MYO9B: variants seen among roughly 807,000 people sequenced by gnomAD.
MYO9B encodes the protein unconventional myosin-IXb.
Under a neutral mutation model 229.5 loss-of-function variants are expected in MYO9B, and 71 were observed. The observed-to-expected ratio is 0.31, with a 90% CI of 0.26 to 0.38. MYO9B has a LOEUF of 0.38. Ranked by LOEUF, MYO9B falls within the 10% of genes least tolerant of loss-of-function variation. MYO9B has a pLI of 1.00. For missense variants in MYO9B, 2,255 were observed against 2,920.5 expected (o/e 0.77, Z 5.25); for synonymous variants, 1,185 against 1,235.8 (o/e 0.96, Z 0.86).
At chr19:17,112,671 C>T (rs1385709708) in intron 2 of MYO9B, among the ~76,000 whole-genome samples, 4 of 152,264 alleles carry the variant, frequency 2.6e-5, no homozygotes, top group Admixed American at 2.0e-4. Context: ...TGGGGTGCTT[C>T]GTTCAAGCAG....
intron 17 of MYO9B, among the ~76,000 whole-genome samples, chr19:17,185,667 C>G (rs540111827): frequency 2.6e-5 from 4 of 152,040 alleles, no homozygotes; most frequent in Admixed American, 6.5e-5. Flanking sequence ...CAGCCTTCCA[C>G]CTGAGGCAAA....
At chr19:17,176,048 TAGAC>T (rs1403878920) in intron 14 of MYO9B, among the ~76,000 whole-genome samples, 2 of 150,886 alleles carry the variant, frequency 1.3e-5, no homozygotes, top group East Asian at 3.9e-4. Context: ...TGTTTGTTTT[TAGAC>T]AGAGTCTTGC....
At chr19:17,146,849 GGGGCTGCTGTGTCAAT>G (rs558938829) in intron 3 of MYO9B, among the ~76,000 whole-genome samples, 16 of 152,312 alleles carry the variant, frequency 1.1e-4, no homozygotes, top group Non-Finnish European at 2.1e-4. Context: ...TCTCATGTGA[GGGGCTGCTGTGTCAAT>G]GGGATTTGTA....
chr19:17,108,258 C>T (rs2057812059), intron 2 of MYO9B, among the ~76,000 whole-genome samples: 1 of 152,224 alleles, frequency 6.6e-6, no homozygotes, highest in Non-Finnish European at 1.5e-5. Context: ...GGGTGGTGCC[C>T]ACGCCGGCTT....
intron 1 of MYO9B, among the ~76,000 whole-genome samples, chr19:17,088,852 G>C (rs1401947552): frequency 6.6e-6 from 1 of 151,918 alleles, no homozygotes. Context: ...CACTATGCCC[G>C]GCTCATTTTT....
chr19:17,102,296 C>T lies in MYO9B; in HGVS notation c.579C>T (p.Pro193=). ...CCATCAACCCCTTTAAGTTCCTGCC[C>T]ATCTACAACCCCAAGTACGTGAAGA... The part of the protein sequence containing the change: ...LVAINPFKFL[P]IYNPKYVKMY... The change falls in exon 2 of 40, where the codon CCC becomes CCT. Residue 193 remains proline, a synonymous_variant. Coordinates refer to ENST00000682292, the MANE Select transcript of MYO9B (RefSeq NM_004145.4). 2 of 1,614,050 alleles carry T rather than the reference C, an allele frequency of 1.2e-6. No homozygotes were observed. The highest frequency in any genetic ancestry group is 1.7e-6 in the Non-Finnish European group (2 of 1,179,894).
At position 17,212,636 on chromosome 19, in the gene MYO9B, C is replaced by G; in HGVS notation, c.*326C>G. 1 of 347,964 alleles carries G rather than the reference C, an allele frequency of 2.9e-6. No individual in the cohort carries two copies. Among genetic ancestry groups the G allele is most frequent in the Non-Finnish European group, 5.2e-6 (1 of 192,702 alleles). The allele number at this position is 347,964 out of a possible 1,614,324, so 21.6% of individuals were successfully genotyped here. On this transcript the variant is annotated 3_prime_UTR_variant, in exon 40 of 40. Transcript: ENST00000682292. The surrounding 1 kb of genome is among the most constrained non-coding windows in gnomAD (Gnocchi z 5.4). ...TGGTTTACGTAACTTTAAACTGTAA[C>G]AGCCTTAATGGAAGACCAAATGGTT...
At chr19:17,109,659 G>A (rs978260267) in intron 2 of MYO9B, among the ~76,000 whole-genome samples, 2 of 152,166 alleles carry the variant, frequency 1.3e-5, no homozygotes, top group African/African-American at 4.8e-5. Flanking sequence ...CTCTGAGGGA[G>A]AATCTGTCCC....
chr19:17,194,686 G>C lies in MYO9B; in HGVS notation c.3259G>C (p.Gly1087Arg). ...TGGAGGGCAGCAGGTAGCTGAGCAG[G>C]GGCCGGAGCCAGCGGAGGATGGCGG... ...AAGGQQVAEQ[G>R]PEPAEDGGHL... The change falls in exon 22 of 40, where the codon GGG (glycine) becomes CGG (arginine). Residue 1087 changes from glycine (G) to arginine (R), a missense_variant. Gly to Arg is a moderately radical substitution (Grantham distance 125). Transcript: ENST00000682292. 1 of 1,612,916 alleles carries C rather than the reference G, an allele frequency of 6.2e-7. No individual in the cohort carries two copies. Among genetic ancestry groups the C allele is most frequent in the South Asian group, 1.1e-5 (1 of 91,080 alleles).
In MYO9B at chr19:17,152,719, T is replaced by C. The variant is rs1173270111; in HGVS notation, c.998+13T>C. On this transcript the variant is annotated intron_variant, in intron 4 of 39. Transcript: ENST00000682292. ...AGAAGGATGAGAGGTAGGAGAATGTTTTCCCAGGAATCTCTGAATGCCACG... is the reference window on the plus strand; with the variant it reads ...AGAAGGATGAGAGGTAGGAGAATGTCTTCCCAGGAATCTCTGAATGCCACG... 3.1e-6 allele frequency: 5 copies of C among 1,607,688 alleles called. No individual in the cohort carries two copies. Among genetic ancestry groups the C allele is most frequent in the East Asian group, 2.2e-5 (1 of 44,866 alleles).
intron 9 of MYO9B, 22 bp downstream of exon 9, chr19:17,162,488 C>T (rs2072614533): frequency 1.9e-6 from 3 of 1,542,794 alleles, no homozygotes; most frequent in Non-Finnish European, 1.7e-6. Flanking sequence ...CATTTGCTTC[C>T]TCAAGCCCGG....
intron 2 of MYO9B, among the ~76,000 whole-genome samples, chr19:17,144,969 CAAAAAAAAAAAAAAA>C (rs58527501): frequency 1.2e-5 from 1 of 83,554 alleles, no homozygotes; most frequent in Admixed American, 1.3e-4. Flanking sequence ...GACTTCATCT[CAAAAAAAAAAAAAAA>C]AAAAAAAGAA....
intron 32 of MYO9B, 36 bp from the exon 33 acceptor site, chr19:17,206,212 G>C: frequency 5.7e-6 from 9 of 1,590,880 alleles, no homozygotes; most frequent in Non-Finnish European, 7.7e-6. Context: ...TCCTGCCAGT[G>C]CGCCGCTCAC....
chr19:17,180,719 G>C, intron 14 of MYO9B: 2 of 522,258 alleles, frequency 3.8e-6, no homozygotes, highest in Non-Finnish European at 3.4e-6. Context: ...GCCCTGCCCC[G>C]CTCCAGGGCT....
At chr19:17,198,035 C>G (rs1351239755) in intron 23 of MYO9B, 149 bp from the exon 24 acceptor site, 2 of 1,362,198 alleles carry the variant, frequency 1.5e-6, no homozygotes, top group Non-Finnish European at 2.0e-6. Flanking sequence ...GCACTCCAGC[C>G]TGGGCAACTA....
intron 36 of MYO9B, among the ~76,000 whole-genome samples, chr19:17,209,995 C>T (rs981310143): frequency 2.6e-5 from 4 of 152,214 alleles, no homozygotes; most frequent in Non-Finnish European, 4.4e-5. Context: ...TAGGGGCAGA[C>T]TTACTGCCTT....
At chr19:17,123,229 A>T (rs1206299425) in intron 2 of MYO9B, among the ~76,000 whole-genome samples, 1 of 152,202 alleles carries the variant, frequency 6.6e-6, no homozygotes, top group African/African-American at 2.4e-5. Flanking sequence ...CAAAGGGGAA[A>T]GCAAGCACAG....
chr19:17,196,424 G>A (rs538350680), intron 22 of MYO9B, among the ~76,000 whole-genome samples: 75 of 152,228 alleles, frequency 4.9e-4, no homozygotes, highest in African/African-American at 1.7e-3. Flanking sequence ...GGCTGGGCGC[G>A]ATGGCTCATG....
rs1298883273 is a variant in MYO9B at position 17,210,236 on chromosome 19, G to A, written c.5749-97G>A. 3 of 1,272,892 alleles carry A rather than the reference G, an allele frequency of 2.4e-6. No homozygotes were observed. In the African/African-American group the frequency reaches 4.5e-5, roughly 19 times the overall value. The allele number at this position is 1,272,892 out of a possible 1,614,324, so 78.8% of individuals were successfully genotyped here. ...GCTCTGGGCTCCTGTGGGAACCAGG[G>A]ACCCCCTATCTTGGTACCGGTCATT... On this transcript the variant is annotated intron_variant, in intron 36 of 39. Transcript: ENST00000682292.
Sources: gnomAD v4.1 joint callset for allele counts (sites outside exome capture counted in the v4.1 genomes callset) on GRCh38, gnomAD v4.1.1 for gene constraint, Gnocchi (gnomAD v3.1) non-coding constraint, MANE v1.5 for transcripts, NCBI Gene and HGNC (gene_info 2026-07-23, HGNC 2026-07-21) for gene names.